Variants in PUM3 observed in about 807,000 individuals in gnomAD.
The protein encoded by PUM3 is pumilio RNA binding family member 3.
In PUM3, 91 loss-of-function variants were observed where a neutral mutation model predicts 84.0. The observed-to-expected ratio is 1.08, with a 90% CI of 0.91 to 1.29. PUM3 has a LOEUF of 1.29. Ranked by LOEUF, PUM3 falls within the 50% of genes most tolerant of loss-of-function variation. The pLI is 0.00. For synonymous variants in PUM3, 321 were observed against 266.7 expected, an observed-to-expected ratio of 1.20 and a Z score of -1.98; for missense variants, 1,067 against 767.5, an observed-to-expected ratio of 1.39 and a Z score of -4.61.
At chr9:2,838,707 T>C (rs1469818562) in intron 1 of PUM3, among the ~76,000 whole-genome samples, 190 bp from the exon 2 acceptor site, 1 of 152,110 alleles carries the variant, frequency 6.6e-6, no homozygotes, top group Non-Finnish European at 1.5e-5. Flanking sequence ...AAACTGAAAA[T>C]GAACAAGGTA....
chr9:2,842,201 T>G (rs1816283751), intron 1 of PUM3, among the ~76,000 whole-genome samples: 1 of 152,212 alleles, frequency 6.6e-6, no homozygotes, highest in African/African-American at 2.4e-5. Flanking sequence ...TCTCTTGGAA[T>G]TCGCCCCCCT....
intron 16 of PUM3, among the ~76,000 whole-genome samples, chr9:2,809,901 C>T (rs888329458): frequency 6.6e-6 from 1 of 152,126 alleles, no homozygotes; most frequent in Non-Finnish European, 1.5e-5. Context: ...AACTCTCTTA[C>T]GAGGATAATC....
At chr9:2,810,551 T>A in intron 15 of PUM3, 120 bp from the exon 16 acceptor site, 1 of 650,316 alleles carries the variant, frequency 1.5e-6, no homozygotes, top group Non-Finnish European at 2.6e-6. Context: ...CTTTTAAAGT[T>A]CCACAGGCTT....
intron 13 of PUM3, among the ~76,000 whole-genome samples, chr9:2,814,172 G>T (rs919959399): frequency 1.3e-5 from 2 of 152,072 alleles, no homozygotes; most frequent in Non-Finnish European, 2.9e-5. Context: ...ACAAGGCAGG[G>T]AACTCTCTCA....
In PUM3 at chr9:2,838,312, C is replaced by T. The variant is rs908020372; in HGVS notation, c.82+114G>A. The T allele has an allele frequency of 4.9e-5, 37 of 750,900 alleles. No homozygotes were observed. In the African/African-American group the frequency reaches 6.1e-4, roughly 12 times the overall value. 46.5% of individuals were successfully genotyped at this position (750,900 alleles called of 1,614,324 possible). ...AACTCATACACAATAACACATACTT[C>T]TTCCTACTATTTTAATCCTAATCCT... On this transcript the variant is annotated intron_variant, in intron 2 of 17. Transcript: ENST00000397885.
At position 2,831,347 on chromosome 9, in the gene PUM3, G is replaced by A; in HGVS notation, c.517-3C>T. On this transcript the variant is annotated splice_region_variant and splice_polypyrimidine_tract_variant and intron_variant, in intron 5 of 17. Transcript: ENST00000397885. ...GTTGAATCGTGTGCAAATGCAATCT[G>A]CAGGAAAAAGTTTGAGTTAGACTAA... is the stretch of plus-strand genomic sequence containing the variant. 3.8e-6 allele frequency: 6 copies of A among 1,590,488 alleles called. No homozygotes were observed. The highest frequency in any genetic ancestry group is 3.4e-4 in the Middle Eastern group (2 of 5,910).
intron 13 of PUM3, among the ~76,000 whole-genome samples, chr9:2,814,769 AAT>A (rs60291025): frequency 0.039 from 5,956 of 152,308 alleles, 409 homozygotes; most frequent in African/African-American, 0.14. Flanking sequence ...ATGACTCTGA[AAT>A]ATAACACCTT....
At position 2,834,146 on chromosome 9, in the gene PUM3, T is replaced by C; in HGVS notation, c.325A>G (p.Lys109Glu). Reference sequence around the variant, plus strand: ...TTCTTCTTTTTGAAGTCATCCCATTTGGGCTTCTTGGCTGCTGATTCTAGT... The same window carrying C: ...TTCTTCTTTTTGAAGTCATCCCATTCGGGCTTCTTGGCTGCTGATTCTAGT... ...RSDESAAKKPKWDDFKKKKKE... is the reference protein window; with the variant it reads ...RSDESAAKKPEWDDFKKKKKE... Residue 109 changes from lysine to glutamate, a missense_variant, in exon 4 of 18, where the codon AAA becomes GAA. Transcript: ENST00000397885. The C allele has an allele frequency of 6.2e-7, 1 of 1,612,972 alleles. No homozygotes were observed. Among genetic ancestry groups the C allele is most frequent in the Non-Finnish European group, 8.5e-7 (1 of 1,179,514 alleles).
intron 5 of PUM3, among the ~76,000 whole-genome samples, chr9:2,831,997 T>C (rs1369180595): frequency 2.0e-5 from 3 of 152,196 alleles, no homozygotes; most frequent in Non-Finnish European, 4.4e-5. Flanking sequence ...ACCAATTTTC[T>C]AGAGCGCCCT....
intron 1 of PUM3, among the ~76,000 whole-genome samples, chr9:2,838,828 A>G (rs1816199086): frequency 1.3e-5 from 2 of 152,188 alleles, no homozygotes; most frequent in African/African-American, 4.8e-5. Flanking sequence ...TATTGACACT[A>G]AGTATAATAA....
rs1446426961 is a variant in PUM3, at chr9:2,831,331, T to C, written c.530A>G (p.His177Arg). The C allele has an allele frequency of 3.1e-6, 5 of 1,604,928 alleles. No individual in the cohort carries two copies. The highest frequency in any genetic ancestry group is 4.3e-6 in the Non-Finnish European group (5 of 1,176,232). ...ACACTGGATCACACGAGTTGAATCG[T>C]GTGCAAATGCAATCTGCAGGAAAAA... ...QGKIKTIAFA[H>R]DSTRVIQCYI... The change falls in exon 6 of 18, where the codon CAC becomes CGC. Residue 177 changes from histidine (H) to arginine (R), a missense_variant. His to Arg is a conservative substitution (Grantham distance 29, BLOSUM62 0). Transcript: ENST00000397885.
At chr9:2,820,318 G>A (rs1054607221) in intron 12 of PUM3, among the ~76,000 whole-genome samples, 55 of 151,276 alleles carry the variant, frequency 3.6e-4, no homozygotes, top group Non-Finnish European at 2.7e-4. Flanking sequence ...TTATATTCTA[G>A]AGGTAAGGTT....
At chr9:2,819,373 G>C (rs1161067643) in intron 13 of PUM3, among the ~76,000 whole-genome samples, 1 of 152,200 alleles carries the variant, frequency 6.6e-6, no homozygotes, top group Non-Finnish European at 1.5e-5. Context: ...CTACATTCAA[G>C]TATTACCACT....
chr9:2,831,744 T>C (rs112353317), intron 5 of PUM3, among the ~76,000 whole-genome samples: 42 of 152,330 alleles, frequency 2.8e-4, no homozygotes, highest in African/African-American at 9.4e-4. Flanking sequence ...ATAAGTGATC[T>C]AAGAATGTTT....
At chr9:2,838,666 A>G (rs986111052) in intron 1 of PUM3, 149 bp from the exon 2 acceptor site, 5 of 574,068 alleles carry the variant, frequency 8.7e-6, no homozygotes, top group Non-Finnish European at 1.6e-5. Flanking sequence ...ACTTAAATCC[A>G]GCAATTTTGC....
At chr9:2,808,436 T>C (rs1223327349) in intron 16 of PUM3, among the ~76,000 whole-genome samples, 1 of 152,186 alleles carries the variant, frequency 6.6e-6, no homozygotes, top group East Asian at 1.9e-4. Context: ...AAAAATACCA[T>C]TTTTCTCCCG....
intron 13 of PUM3, among the ~76,000 whole-genome samples, chr9:2,815,732 G>A (rs1452040248): frequency 6.6e-6 from 1 of 152,180 alleles, no homozygotes; most frequent in East Asian, 1.9e-4. Flanking sequence ...AGCTAGCTGA[G>A]TCATGAGTTT....
At chr9:2,819,288 T>G (rs966381227) in intron 13 of PUM3, among the ~76,000 whole-genome samples, 1 of 152,202 alleles carries the variant, frequency 6.6e-6, no homozygotes, top group East Asian at 1.9e-4. Context: ...TAGTTTAGAA[T>G]GCAATTTTTA....
chr9:2,829,981 A>C (rs1268226734), intron 7 of PUM3, 33 bp from the exon 8 acceptor site: 1 of 1,578,366 alleles, frequency 6.3e-7, no homozygotes. Context: ...AAAATAAATG[A>C]TAGAAGGAGA....
Sources: allele counts gnomAD v4.1 joint callset (sites outside exome capture counted in the v4.1 genomes callset), GRCh38; gene constraint gnomAD v4.1.1; transcripts MANE v1.5; gene names NCBI Gene and HGNC (gene_info 2026-07-23, HGNC 2026-07-21).